DLC1: variants seen among roughly 807,000 people sequenced by gnomAD.
DLC1 encodes DLC1 Rho GTPase activating protein.
In DLC1, 54 loss-of-function variants were observed where a neutral mutation model predicts 140.3. The ratio of observed to expected loss-of-function variants is 0.38; its 90% CI spans 0.31 to 0.48. The LOEUF is 0.48. DLC1 is among the 20% of genes least tolerant of loss of function. The probability of loss-of-function intolerance (pLI) is 0.96; values close to 1 mark genes in which losing one functional copy is unlikely to be tolerated. For missense variants in DLC1, 2,536 were observed against 1,907.0 expected, an observed-to-expected ratio of 1.33 and a Z score of -6.14; for synonymous variants, 986 against 728.1, an observed-to-expected ratio of 1.35 and a Z score of -5.70.
At chr8:13,531,604 C>T (rs1314626045) in intron 1 of DLC1, among the ~76,000 whole-genome samples, 1 of 151,920 alleles carries the variant, frequency 6.6e-6, no homozygotes, top group African/African-American at 2.4e-5. Context: ...AACCAAAAAA[C>T]CCTTAATACT....
intron 5 of DLC1, among the ~76,000 whole-genome samples, chr8:13,121,788 G>C (rs1311605267): frequency 6.6e-6 from 1 of 151,948 alleles, no homozygotes; most frequent in Non-Finnish European, 1.5e-5. Flanking sequence ...CCTGGGCTCA[G>C]GCAATCCTCC....
Position 13,092,595 on chromosome 8 carries a change from T to C in DLC1, c.3740+17A>G, listed in dbSNP as rs1354987113. The C allele has an allele frequency of 6.2e-7, 1 of 1,612,330 alleles. No individual in the cohort carries two copies. Among genetic ancestry groups the C allele is most frequent in the African/African-American group, 1.3e-5 (1 of 75,000 alleles). On this transcript the variant is annotated intron_variant, in intron 13 of 17. Coordinates refer to ENST00000276297, the MANE Select transcript of DLC1 (RefSeq NM_182643.3). ...AGGCTGCCCCCTGTGTGCATGCACC[T>C]CCCATGCAGCCCGTACCTGGGAGAG...
At chr8:13,500,225 T>C in intron 1 of DLC1, 29 bp from the exon 2 acceptor site, 4 of 627,216 alleles carry the variant, frequency 6.4e-6, no homozygotes, top group Non-Finnish European at 1.1e-5. Flanking sequence ...AAATATGTAG[T>C]CGCAGATACG....
intron 5 of DLC1, among the ~76,000 whole-genome samples, chr8:13,131,788 C>G (rs960691138): frequency 6.6e-6 from 1 of 152,214 alleles, no homozygotes; most frequent in African/African-American, 2.4e-5. Flanking sequence ...GAGGTCCTGT[C>G]ACTGCCCAAG....
intron 5 of DLC1, among the ~76,000 whole-genome samples, chr8:13,288,150 G>A (rs184740620): frequency 5.5e-4 from 83 of 152,236 alleles, no homozygotes; most frequent in African/African-American, 1.8e-3. Flanking sequence ...TAAATCCCAT[G>A]AAATGTATAC....
At chr8:13,362,035 A>G (rs1835250707) in intron 4 of DLC1, among the ~76,000 whole-genome samples, 1 of 152,226 alleles carries the variant, frequency 6.6e-6, no homozygotes, top group Non-Finnish European at 1.5e-5. Flanking sequence ...GACACAATAG[A>G]TGTCAACCAC....
chr8:13,385,704 G>T (rs1836493035), intron 4 of DLC1, among the ~76,000 whole-genome samples: 1 of 152,124 alleles, frequency 6.6e-6, no homozygotes, highest in African/African-American at 2.4e-5. Flanking sequence ...TTTGGTATGT[G>T]ATTGATTCAG....
In DLC1 at chr8:13,305,262, A is replaced by C; in HGVS notation, c.1348+7T>G. The stretch of plus-strand genomic sequence containing the variant: ...GGCGAGAAAACAGAACCAAAATGTC[A>C]ACTTACCAGCCTTTTCCTTCTCTGA... On this transcript the variant is annotated splice_region_variant and intron_variant, in intron 5 of 17. Coordinates refer to ENST00000276297, the MANE Select transcript of DLC1 (RefSeq NM_182643.3). 1 of 1,609,474 alleles carries C rather than the reference A, an allele frequency of 6.2e-7. No homozygotes were observed. Among genetic ancestry groups the C allele is most frequent in the Middle Eastern group, 1.7e-4 (1 of 6,040 alleles).
intron 5 of DLC1, among the ~76,000 whole-genome samples, chr8:13,120,370 T>TATATAA (rs369581778): frequency 4.5e-5 from 5 of 110,868 alleles, no homozygotes; most frequent in South Asian, 3.0e-4. Context: ...TATATATATA[T>TATATAA]AAAATGTATA....
At chr8:13,524,444 ATTGTTT>A (rs1455153801) in intron 1 of DLC1, among the ~76,000 whole-genome samples, 2 of 152,020 alleles carry the variant, frequency 1.3e-5, no homozygotes, top group African/African-American at 4.8e-5. Flanking sequence ...ATTAAAACAA[ATTGTTT>A]TTGTTGTTGC....
At chr8:13,556,701 C>G (rs564433749) in intron 1 of DLC1, among the ~76,000 whole-genome samples, 24 of 152,252 alleles carry the variant, frequency 1.6e-4, no homozygotes, top group African/African-American at 4.6e-4. Context: ...TGAATGAGAC[C>G]TAGCTGGTCA....
At chr8:13,362,579 T>G (rs1835281266) in intron 4 of DLC1, among the ~76,000 whole-genome samples, 1 of 152,078 alleles carries the variant, frequency 6.6e-6, no homozygotes, top group South Asian at 2.1e-4. Context: ...TCATAATTAA[T>G]GGTCTATTAT....
At chr8:13,422,906 G>C (rs535717812) in intron 2 of DLC1, among the ~76,000 whole-genome samples, 1 of 152,082 alleles carries the variant, frequency 6.6e-6, no homozygotes, top group East Asian at 1.9e-4. Flanking sequence ...TCATAGAGAA[G>C]ACAATTACAT....
At chr8:13,300,912 C>A (rs1374094569) in intron 5 of DLC1, among the ~76,000 whole-genome samples, 1 of 152,154 alleles carries the variant, frequency 6.6e-6, no homozygotes, top group East Asian at 1.9e-4. Context: ...GTTCTGGATG[C>A]TTTTGTGAAA....
chr8:13,370,476 C>T (rs1835679572), intron 4 of DLC1, among the ~76,000 whole-genome samples: 1 of 151,978 alleles, frequency 6.6e-6, no homozygotes, highest in African/African-American at 2.4e-5. Flanking sequence ...GTGGGTTACA[C>T]TCCAGGGCAG....
intron 1 of DLC1, among the ~76,000 whole-genome samples, chr8:13,504,630 G>GA (rs1197807275): frequency 1.3e-5 from 2 of 152,092 alleles, no homozygotes; most frequent in African/African-American, 2.4e-5. Flanking sequence ...CGGAGAAAGA[G>GA]AAAAAGAGAT....
intron 2 of DLC1, among the ~76,000 whole-genome samples, chr8:13,485,549 A>G (rs1003366346): frequency 6.6e-6 from 1 of 152,242 alleles, no homozygotes; most frequent in African/African-American, 2.4e-5. Flanking sequence ...CTTGGGCAGC[A>G]GTTTGTATGC....
intron 4 of DLC1, among the ~76,000 whole-genome samples, chr8:13,382,312 C>T (rs546392939): frequency 6.6e-6 from 1 of 151,318 alleles, no homozygotes; most frequent in Admixed American, 6.6e-5. Flanking sequence ...TCGAGACCAT[C>T]CTGGCTAACA....
At chr8:13,505,463 T>C (rs935635789) in intron 1 of DLC1, among the ~76,000 whole-genome samples, 4 of 152,144 alleles carry the variant, frequency 2.6e-5, no homozygotes, top group African/African-American at 9.7e-5. Context: ...GCTAAGAAAG[T>C]CTTATCTCTG....
Sources: allele counts gnomAD v4.1 joint callset (sites outside exome capture counted in the v4.1 genomes callset), GRCh38; gene constraint gnomAD v4.1.1; transcripts MANE v1.5; gene names NCBI Gene and HGNC (gene_info 2026-07-23, HGNC 2026-07-21).